NCAN: variants seen among roughly 807,000 people sequenced by gnomAD.
NCAN encodes neurocan core protein.
In NCAN, 47 loss-of-function variants were observed where a neutral mutation model predicts 121.8. The ratio of observed to expected loss-of-function variants is 0.39; its 90% CI spans 0.31 to 0.49. The LOEUF is 0.49. Ranked by LOEUF, NCAN falls within the 20% of genes least tolerant of loss-of-function variation. NCAN has a pLI of 0.92. For synonymous variants in NCAN, 633 were observed against 702.0 expected (o/e 0.90, Z 1.55); for missense variants, 1,517 against 1,773.4 (o/e 0.86, Z 2.60).
chr19:19,220,070 T>C (rs758258163), intron 3 of NCAN, among the ~76,000 whole-genome samples: 11 of 152,082 alleles, frequency 7.2e-5, no homozygotes, highest in Non-Finnish European at 1.5e-4. Flanking sequence ...CTATCTTGTC[T>C]TTAACACCTC....
In NCAN at chr19:19,216,964, C is replaced by A. The variant is rs376834100; in HGVS notation, c.11C>A (p.Pro4Gln). The change falls in exon 2 of 15, where the codon CCG becomes CAG. Residue 4 changes from proline to glutamine, a missense_variant. Physicochemically the swap from Pro to Gln is moderately conservative, Grantham distance 76 (BLOSUM62 -1). Coordinates refer to ENST00000252575, the MANE Select transcript of NCAN (RefSeq NM_004386.3). Reference protein sequence around the residue: MGAPFVWALGLLML... With the variant: MGAQFVWALGLLML... ...TGTTCCAGATCCAGGATGGGGGCCC[C>A]GTTTGTCTGGGCCTTGGGCCTTTTG... 9.9e-6 allele frequency: 13 copies of A among 1,311,906 alleles called. No homozygotes were observed. The South Asian group carries it at 2.9e-4, about 29-fold the overall frequency. The allele number at this position is 1,311,906 out of a possible 1,614,324, so 81.3% of individuals were successfully genotyped here. A position where few individuals can be genotyped will look rare whatever the true frequency, so the allele number is the denominator to read the frequency against.
In NCAN at chr19:19,213,033, C is replaced by T. The variant is rs144512441; in HGVS notation, c.-8+969C>T. ...AAGGGCCCTGTCTGGGCAGGAGAGA[C>T]CCCCATCCCTACGCGTGGGGCTTTG... On this transcript the variant is annotated intron_variant, in intron 1 of 14. Transcript: ENST00000252575. Among the ~76,000 whole-genome samples the T allele has an allele frequency of 2.0e-4, 31 of 152,226 alleles. 2 individuals carry two copies. In the East Asian group the frequency reaches 5.8e-3, roughly 29 times the overall value.
intron 8 of NCAN, among the ~76,000 whole-genome samples, chr19:19,230,194 G>A (rs2060852888): frequency 6.6e-6 from 1 of 151,632 alleles, no homozygotes; most frequent in South Asian, 2.1e-4. Flanking sequence ...ACAGGCTCCC[G>A]CCACCACGCC....
intron 8 of NCAN, among the ~76,000 whole-genome samples, chr19:19,230,161 C>T (rs1485162440): frequency 6.6e-6 from 1 of 151,898 alleles, no homozygotes; most frequent in Non-Finnish European, 1.5e-5. Flanking sequence ...TCTCCTGCCT[C>T]AACCTTCTGA....
At chr19:19,226,335 C>A (rs2060836720) in intron 6 of NCAN, 151 bp from the exon 7 acceptor site, 1 of 633,648 alleles carries the variant, frequency 1.6e-6, no homozygotes, top group African/African-American at 1.8e-5. Flanking sequence ...ACTTCCCTCT[C>A]CCAGGCTGGG....
chr19:19,220,039 AC>A (rs2060810788), intron 3 of NCAN, among the ~76,000 whole-genome samples: 1 of 151,968 alleles, frequency 6.6e-6, no homozygotes, highest in Admixed American at 6.6e-5. Context: ...AAGAAAAAAA[AC>A]GTCTGTATCA....
rs769482798 is a variant in NCAN at position 19,225,125 on chromosome 19, G to A, written c.927G>A (p.Leu309=). ...TGGACCAGTGCGACCCGGGCTGGCT[G>A]GCCGACGGCAGCGTGCGCTACCCGA... ...EGLDQCDPGW[L]ADGSVRYPIQ... The change falls in exon 6 of 15, where the codon CTG becomes CTA. Residue 309 remains leucine (L), a synonymous_variant. Transcript: ENST00000252575. The surrounding 1 kb of genome is among the most constrained non-coding windows in gnomAD (Gnocchi z 4.0). The A allele has an allele frequency of 6.5e-7, 1 of 1,531,736 alleles. No individual in the cohort carries two copies. The highest frequency in any genetic ancestry group is 1.4e-5 in the African/African-American group (1 of 70,790). 94.9% of individuals were successfully genotyped at this position (1,531,736 alleles called of 1,614,324 possible). A position where few individuals can be genotyped will look rare whatever the true frequency, so the allele number is the denominator to read the frequency against.
At chr19:19,230,402 A>ATT (rs1268564898) in intron 8 of NCAN, among the ~76,000 whole-genome samples, 13 of 25,766 alleles carry the variant, frequency 5.0e-4, no homozygotes, top group Admixed American at 3.1e-3. Context: ...CCCACCCCCA[A>ATT]ATTTTTTTTT....
chr19:19,214,385 G>A (rs1156799153), intron 1 of NCAN, among the ~76,000 whole-genome samples: 1 of 152,172 alleles, frequency 6.6e-6, no homozygotes, highest in Admixed American at 6.5e-5. Flanking sequence ...TGGGGAGGAG[G>A]TATTTTAAGA....
Position 19,228,158 on chromosome 19 carries a change from T to C in NCAN, c.2538T>C (p.Pro846=). 1 of 1,613,848 alleles carries C rather than the reference T, an allele frequency of 6.2e-7. No homozygotes were observed. Among genetic ancestry groups the C allele is most frequent in the Non-Finnish European group, 8.5e-7 (1 of 1,180,022 alleles). ...APSDASGIWE[P]GSQVFEEAES... is the part of the protein sequence containing the mutation. ...GTGATGCTAGTGGAATTTGGGAACC[T>C]GGATCCCAGGTGTTTGAAGAAGCCG... Residue 846 remains proline, a synonymous_variant, in exon 8 of 15, where the codon CCT becomes CCC. Coordinates refer to ENST00000252575, the MANE Select transcript of NCAN (RefSeq NM_004386.3).
In NCAN at chr19:19,228,257, G is replaced by C. The variant is rs369767888; in HGVS notation, c.2637G>C (p.Gly879=). 1.2e-6 allele frequency: 2 copies of C among 1,613,948 alleles called. No individual in the cohort carries two copies. The highest frequency in any genetic ancestry group is 1.7e-6 in the Non-Finnish European group (2 of 1,180,026). The part of the protein sequence containing the change: ...IVTPLTTLEQ[G]DKVGVPAMST... The stretch of plus-strand genomic sequence containing the variant: ...CGCCCCTCACGACCCTGGAGCAGGG[G>C]GACAAGGTTGGAGTTCCAGCCATGT... The change falls in exon 8 of 15, where the codon GGG becomes GGC. Residue 879 remains glycine (G), a synonymous_variant. Transcript: ENST00000252575.
chr19:19,236,104 T>A (rs1278837879), intron 10 of NCAN, among the ~76,000 whole-genome samples: 2 of 152,172 alleles, frequency 1.3e-5, no homozygotes, highest in Non-Finnish European at 2.9e-5. Context: ...TGTACAGCCA[T>A]CACCTCTGTC....
At chr19:19,219,858 T>C (rs2060809965) in intron 3 of NCAN, among the ~76,000 whole-genome samples, 1 of 131,620 alleles carries the variant, frequency 7.6e-6, no homozygotes, top group Non-Finnish European at 1.6e-5. Flanking sequence ...AACCCCGTCT[T>C]TAAAAAAAAA....
intron 13 of NCAN, among the ~76,000 whole-genome samples, chr19:19,246,713 T>G (rs542905484): frequency 3.3e-5 from 5 of 152,106 alleles, no homozygotes. Context: ...TTTTTGTTTT[T>G]GTATTTTTAG....
At position 19,225,196 on chromosome 19, in the gene NCAN, G is replaced by A; in HGVS notation, c.998G>A (p.Arg333His). Residue 333 changes from arginine to histidine, a missense_variant, in exon 6 of 15, where the codon CGC becomes CAC. Physicochemically the swap from Arg to His is conservative, Grantham distance 29. Transcript: ENST00000252575. This position sits in a 1 kb window ranked among gnomAD's most constrained non-coding sequence, Gnocchi z 4.0. ...TGCGGGGGCCCAGCCCCGGGCGTGCGCACCGTCTACCGCTTCGCTAACCGG... is the reference window on the plus strand; with the variant it reads ...TGCGGGGGCCCAGCCCCGGGCGTGCACACCGTCTACCGCTTCGCTAACCGG... ...RRCGGPAPGV[R>H]TVYRFANRTG... is the part of the protein sequence containing the mutation. The A allele has an allele frequency of 6.4e-7, 1 of 1,561,232 alleles. No homozygotes were observed. The highest frequency in any genetic ancestry group is 8.6e-7 in the Non-Finnish European group (1 of 1,164,568).
chr19:19,222,689 A>G (rs914035028), intron 3 of NCAN, among the ~76,000 whole-genome samples: 3 of 152,216 alleles, frequency 2.0e-5, no homozygotes, highest in Non-Finnish European at 4.4e-5. Flanking sequence ...TGTCTTGTTC[A>G]GCCATTTCTT....
rs910016982 is a variant in NCAN, at chr19:19,224,993, G to T, written c.795G>T (p.Val265=). The change falls in exon 6 of 15, where the codon GTG becomes GTT. Residue 265 remains valine, a synonymous_variant. Coordinates refer to ENST00000252575, the MANE Select transcript of NCAN (RefSeq NM_004386.3). The part of the protein sequence containing the change: ...ARELGGEVFY[V]GPARRLTLAG... ...CTCCCGCAGGCGAGGTCTTCTACGT[G>T]GGCCCGGCCCGCCGCCTGACACTGG... The T allele has an allele frequency of 2.1e-6, 3 of 1,451,128 alleles. No homozygotes were observed. The highest frequency in any genetic ancestry group is 2.7e-6 in the Non-Finnish European group (3 of 1,108,668). The allele number at this position is 1,451,128 out of a possible 1,614,324, so 89.9% of individuals were successfully genotyped here.
chr19:19,228,381 A>G lies in NCAN; in HGVS notation c.2761A>G (p.Ser921Gly). 1 of 1,613,832 alleles carries G rather than the reference A, an allele frequency of 6.2e-7. No homozygotes were observed. The highest frequency in any genetic ancestry group is 8.5e-7 in the Non-Finnish European group (1 of 1,180,018). The change falls in exon 8 of 15, where the codon AGT (serine) becomes GGT (glycine). Residue 921 changes from serine to glycine, a missense_variant. Coordinates refer to ENST00000252575, the MANE Select transcript of NCAN (RefSeq NM_004386.3). ...SGASVPPHQS[S>G]PLGKPAVPPG... is the part of the protein sequence containing the mutation. ...AGCTTCAGTGCCTCCGCATCAGAGCAGTCCCCTAGGGAAACCGGCTGTTCC... is the reference window on the plus strand; with the variant it reads ...AGCTTCAGTGCCTCCGCATCAGAGCGGTCCCCTAGGGAAACCGGCTGTTCC...
rs192598346 is a variant in NCAN at position 19,242,690 on chromosome 19, A to G, written c.3492+2005A>G. On this transcript the variant is annotated intron_variant, in intron 12 of 14. Transcript: ENST00000252575. ...GGTGACAGAGGGAGACTCTGTCTCA[A>G]AAAACAAACAAACAAACAAAAACTT... 2.6e-5 allele frequency among the ~76,000 whole-genome samples: 4 copies of G among 152,340 alleles called. No individual in the cohort carries two copies. In the East Asian group the frequency reaches 7.7e-4, roughly 29 times the overall value.
Sources: allele counts gnomAD v4.1 joint callset (sites outside exome capture counted in the v4.1 genomes callset), GRCh38; gene constraint gnomAD v4.1.1; non-coding constraint Gnocchi (gnomAD v3.1); transcripts MANE v1.5; gene names NCBI Gene and HGNC (gene_info 2026-07-23, HGNC 2026-07-21).